The following ALKBH5 variants were observed in gnomAD, a reference collection of about 807,000 sequenced individuals.
The protein encoded by ALKBH5 is RNA demethylase ALKBH5.
In ALKBH5, 2 loss-of-function variants were observed where a neutral mutation model predicts 32.1. The ratio of observed to expected loss-of-function variants is 0.06; its 90% CI spans 0.03 to 0.20. The LOEUF is 0.20. Among genes scored for constraint, ALKBH5 ranks in the 10% least tolerant of loss-of-function variants. The pLI, the probability that ALKBH5 is intolerant of heterozygous loss-of-function variation, is 1.00. For missense variants in ALKBH5, 352 were observed against 559.5 expected (o/e 0.63, Z 3.74); for synonymous variants, 300 against 231.7 (o/e 1.29, Z -2.68).
intron 1 of ALKBH5, among the ~76,000 whole-genome samples, 166 bp from the exon 2 acceptor site, chr17:18,194,789 C>G (rs2047196369): frequency 6.6e-6 from 1 of 152,176 alleles, no homozygotes; most frequent in African/African-American, 2.4e-5. Flanking sequence ...CAAAAGCATC[C>G]TGGAACTTAA....
chr17:18,199,471 T>C (rs1177945486), intron 2 of ALKBH5, among the ~76,000 whole-genome samples: 1 of 152,230 alleles, frequency 6.6e-6, no homozygotes, highest in Non-Finnish European at 1.5e-5. Context: ...TCTGTGCTTC[T>C]GCTCCTGGTA....
At chr17:18,192,745 C>A (rs2047183983) in intron 1 of ALKBH5, among the ~76,000 whole-genome samples, 1 of 151,618 alleles carries the variant, frequency 6.6e-6, no homozygotes, top group African/African-American at 2.4e-5. Context: ...TCAGTGGGTT[C>A]TTTTGCTGTA....
chr17:18,208,467 TTTG>T lies in ALKBH5; in HGVS notation c.*74_*76del, dbSNP rs2047283631. On this transcript the variant is annotated 3_prime_UTR_variant, in exon 4 of 4. Transcript: ENST00000399138. ...TTGCCCCTCCTTTTGTTTTGAGGGT[TTTG>T]TTTTTGTTCATTGGGGGGTTTTTGT... 2 of 1,554,544 alleles carry T rather than the reference TTTG, an allele frequency of 1.3e-6. No homozygotes were observed. The highest frequency in any genetic ancestry group is 4.5e-5 in the East Asian group (2 of 44,328).
intron 2 of ALKBH5, among the ~76,000 whole-genome samples, chr17:18,200,460 G>GTATA (rs1270686056): frequency 5.3e-5 from 8 of 152,192 alleles, no homozygotes; most frequent in African/African-American, 1.7e-4. Flanking sequence ...GCACAAAGCA[G>GTATA]TATATATAGC....
At chr17:18,195,229 CTATT>C (rs1260564668) in intron 2 of ALKBH5, among the ~76,000 whole-genome samples, 194 bp downstream of exon 2, 2 of 152,148 alleles carry the variant, frequency 1.3e-5, no homozygotes, top group East Asian at 3.9e-4. Flanking sequence ...ATTAAGTACT[CTATT>C]TAGGGAGTTT....
intron 2 of ALKBH5, among the ~76,000 whole-genome samples, chr17:18,201,951 G>A (rs575415566): frequency 1.3e-5 from 2 of 152,158 alleles, no homozygotes; most frequent in South Asian, 4.2e-4. Context: ...GGAGGTCAAG[G>A]CTGCAGTGAG....
chr17:18,198,771 G>A (rs1026548754), intron 2 of ALKBH5, among the ~76,000 whole-genome samples: 10 of 152,200 alleles, frequency 6.6e-5, no homozygotes, highest in Admixed American at 5.2e-4. Flanking sequence ...ACAGAACGCA[G>A]CTTCTGTGAA....
intron 1 of ALKBH5, among the ~76,000 whole-genome samples, chr17:18,193,967 A>G (rs1208527613): frequency 6.6e-6 from 1 of 152,096 alleles, no homozygotes; most frequent in African/African-American, 2.4e-5. Flanking sequence ...TTCCAGTGAT[A>G]GCATGTGAGG....
At chr17:18,185,094 G>A in intron 1 of ALKBH5, 81 bp downstream of exon 1, 4 of 1,531,674 alleles carry the variant, frequency 2.6e-6, no homozygotes, top group Middle Eastern at 1.8e-4. Context: ...GCAGCCCGTA[G>A]GAGTCTGCGT....
At chr17:18,198,827 C>T (rs959112463) in intron 2 of ALKBH5, among the ~76,000 whole-genome samples, 10 of 152,176 alleles carry the variant, frequency 6.6e-5, no homozygotes, top group Admixed American at 6.5e-4. Flanking sequence ...TTGTTTCTTA[C>T]GGGGAGGCTG....
Position 18,208,438 on chromosome 17 carries a change from G to C in ALKBH5, c.*42G>C, listed in dbSNP as rs749152110. On this transcript the variant is annotated 3_prime_UTR_variant, in exon 4 of 4. Coordinates refer to ENST00000399138, the MANE Select transcript of ALKBH5 (RefSeq NM_017758.4). Reference sequence around the variant, plus strand: ...CCTGGGAACTCTGGCTCATCCTTACGTAGTTGCCCCTCCTTTTGTTTTGAG... The same window carrying C: ...CCTGGGAACTCTGGCTCATCCTTACCTAGTTGCCCCTCCTTTTGTTTTGAG... 7.5e-6 allele frequency: 12 copies of C among 1,601,332 alleles called. No homozygotes were observed. In the South Asian group the frequency reaches 1.2e-4, roughly 16 times the overall value.
intron 1 of ALKBH5, among the ~76,000 whole-genome samples, chr17:18,189,751 T>C (rs981601041): frequency 1.3e-5 from 2 of 152,236 alleles, no homozygotes; most frequent in South Asian, 2.1e-4. Flanking sequence ...AGAGTTGTTA[T>C]AGAAAGTTGA....
At chr17:18,207,152 T>A (rs1345936428) in intron 3 of ALKBH5, among the ~76,000 whole-genome samples, 182 bp downstream of exon 3, 1 of 152,220 alleles carries the variant, frequency 6.6e-6, no homozygotes, top group Non-Finnish European at 1.5e-5. Context: ...GCCAACTGCC[T>A]GTACACCCAG....
Position 18,184,330 on chromosome 17 carries a change from G to A in ALKBH5, c.87G>A (p.Glu29=). ...ACAACTATAAGGCGGGCAGCCGGGA[G>A]GCCGCCGCCGCTGCCGCAGCCGCCG... ...SRDNYKAGSR[E]AAAAAAAAVA... The change falls in exon 1 of 4, where the codon GAG becomes GAA. Residue 29 remains glutamate, a synonymous_variant. Coordinates refer to ENST00000399138, the MANE Select transcript of ALKBH5 (RefSeq NM_017758.4). The A allele has an allele frequency of 6.6e-7, 1 of 1,511,982 alleles. No homozygotes were observed. Among genetic ancestry groups the A allele is most frequent in the Non-Finnish European group, 8.8e-7 (1 of 1,133,982 alleles). 93.7% of individuals were successfully genotyped at this position (1,511,982 alleles called of 1,614,324 possible). A position where few individuals can be genotyped will look rare whatever the true frequency, so the allele number is the denominator to read the frequency against.
At chr17:18,193,782 G>A (rs980375922) in intron 1 of ALKBH5, among the ~76,000 whole-genome samples, 13 of 152,320 alleles carry the variant, frequency 8.5e-5, no homozygotes, top group Admixed American at 6.5e-4. Flanking sequence ...TGTACAACTA[G>A]CCTTTGAGAA....
intron 2 of ALKBH5, among the ~76,000 whole-genome samples, chr17:18,198,068 A>G (rs2047214376): frequency 6.6e-6 from 1 of 152,160 alleles, no homozygotes; most frequent in Non-Finnish European, 1.5e-5. Flanking sequence ...CCAACTCCCC[A>G]AATAAACCTA....
chr17:18,189,384 C>T (rs896972958), intron 1 of ALKBH5, among the ~76,000 whole-genome samples: 8 of 152,020 alleles, frequency 5.3e-5, no homozygotes, highest in African/African-American at 1.2e-4. Context: ...AGCAAGACTC[C>T]GTCTCAAAAA....
At chr17:18,198,131 C>A (rs2047214830) in intron 2 of ALKBH5, among the ~76,000 whole-genome samples, 1 of 152,222 alleles carries the variant, frequency 6.6e-6, no homozygotes, top group Non-Finnish European at 1.5e-5. Flanking sequence ...TTCAGATTGA[C>A]CATTTTGACA....
intron 2 of ALKBH5, among the ~76,000 whole-genome samples, chr17:18,205,351 A>C (rs756726021): frequency 1.3e-5 from 2 of 152,144 alleles, no homozygotes; most frequent in African/African-American, 2.4e-5. Flanking sequence ...TCCAGAGTGG[A>C]GTCTGAGACT....
Sources: allele counts gnomAD v4.1 joint callset (sites outside exome capture counted in the v4.1 genomes callset), GRCh38; gene constraint gnomAD v4.1.1; transcripts MANE v1.5; gene names NCBI Gene and HGNC (gene_info 2026-07-23, HGNC 2026-07-21).